Variants in ZFP28 observed in about 807,000 individuals in gnomAD.
ZFP28 encodes the protein zinc finger protein 28 homolog.
A neutral mutation model predicts 39.5 loss-of-function variants in ZFP28; 31 were observed. That is an observed-to-expected ratio of 0.79 (90% CI 0.59 to 1.06). ZFP28 has a LOEUF of 1.06. Among genes scored for constraint, ZFP28 ranks in the 50% least tolerant of loss-of-function variants. The pLI, the probability that ZFP28 is intolerant of heterozygous loss-of-function variation, is 0.00. For missense variants in ZFP28, 925 were observed against 1,048.4 expected (o/e 0.88, Z 1.63); for synonymous variants, 400 against 378.6 (o/e 1.06, Z -0.66).
At position 56,549,126 on chromosome 19, in the gene ZFP28, G is replaced by C; in HGVS notation, c.687+5G>C. On this transcript the variant is annotated splice_donor_5th_base_variant and intron_variant, in intron 5 of 7. Coordinates refer to ENST00000301318, the MANE Select transcript of ZFP28 (RefSeq NM_020828.2). ...GCTCTGTTTGAGACACAGCCGGTAA[G>C]TCACAAGACAAATTTCAGGCAAGAG... 6.3e-7 allele frequency: 1 copy of C among 1,594,788 alleles called. No individual in the cohort carries two copies. The highest frequency in any genetic ancestry group is 8.5e-7 in the Non-Finnish European group (1 of 1,169,834).
intron 7 of ZFP28, chr19:56,552,080 TTTAG>T: frequency 1.4e-6 from 1 of 689,940 alleles, no homozygotes; most frequent in Non-Finnish European, 1.8e-6. Flanking sequence ...TTAATGACTA[TTTAG>T]TATTATATGA....
At chr19:56,543,352 A>G (rs1324789882) in intron 2 of ZFP28, among the ~76,000 whole-genome samples, 1 of 145,658 alleles carries the variant, frequency 6.9e-6, no homozygotes, top group African/African-American at 2.5e-5. Context: ...ATATATGTAT[A>G]TTTTATATAT....
chr19:56,553,833 G>A lies in ZFP28; in HGVS notation c.1048G>A (p.Ala350Thr), dbSNP rs376583851. 5.8e-5 allele frequency: 93 copies of A among 1,614,006 alleles called. No homozygotes were observed. The highest frequency in any genetic ancestry group is 7.5e-5 in the Non-Finnish European group (89 of 1,180,032). ...TGACTATGTGTTTGGAAGGAAGCTT[G>A]CAGTAGGTCAAGAGACACAATTCAG... ...DSDYVFGRKL[A>T]VGQETQFRQE... The change falls in exon 8 of 8, where the codon GCA becomes ACA. Residue 350 changes from alanine to threonine, a missense_variant. Physicochemically the swap from Ala to Thr is moderately conservative, Grantham distance 58. Around this residue, in one of 2 missense-constraint regions of ZFP28, gnomAD observed 556 missense variants for 542.9 expected, o/e 1.02. Transcript: ENST00000301318.
At chr19:56,539,508 G>A in intron 1 of ZFP28, 117 bp from the exon 2 acceptor site, 1 of 880,450 alleles carries the variant, frequency 1.1e-6, no homozygotes, top group Non-Finnish European at 1.8e-6. Flanking sequence ...CGTTGTGGCA[G>A]TCCCTAGGCA....
intron 2 of ZFP28, among the ~76,000 whole-genome samples, chr19:56,542,422 C>T (rs756664214): frequency 2.0e-5 from 3 of 152,202 alleles, no homozygotes; most frequent in South Asian, 2.1e-4. Flanking sequence ...CAAATTGCTG[C>T]GATTAGAGGT....
intron 7 of ZFP28, chr19:56,552,816 T>C (rs566097219): frequency 3.7e-4 from 56 of 152,396 alleles, no homozygotes; most frequent in African/African-American, 1.1e-3. Context: ...CTCTCCTTTA[T>C]CACCTTCCTT....
At position 56,547,453 on chromosome 19, in the gene ZFP28, AGTCAT is replaced by A; in HGVS notation, c.301-52_301-48del. On this transcript the variant is annotated intron_variant, in intron 2 of 7. Coordinates refer to ENST00000301318, the MANE Select transcript of ZFP28 (RefSeq NM_020828.2). The surrounding 1 kb of genome is among the most constrained non-coding windows in gnomAD (Gnocchi z 4.6). ...ACATTTCTTTCTATAACAAACCCCC[AGTCAT>A]GTGGGGGCATGAGCACTGGTTGAGC... The A allele has an allele frequency of 6.2e-7, 1 of 1,613,166 alleles. No homozygotes were observed.
chr19:56,544,962 A>G (rs2044227422), intron 2 of ZFP28, among the ~76,000 whole-genome samples: 1 of 152,234 alleles, frequency 6.6e-6, no homozygotes, highest in Non-Finnish European at 1.5e-5. Flanking sequence ...AAAGCAGATC[A>G]CTAATGCATA....
At chr19:56,543,879 A>C (rs992900165) in intron 2 of ZFP28, among the ~76,000 whole-genome samples, 3 of 152,208 alleles carry the variant, frequency 2.0e-5, no homozygotes, top group Non-Finnish European at 4.4e-5. Context: ...TATTACTGCT[A>C]TTATCAAAGT....
intron 7 of ZFP28, chr19:56,551,143 T>C: frequency 1.6e-5 from 16 of 1,008,724 alleles, no homozygotes; most frequent in Non-Finnish European, 1.9e-5. Flanking sequence ...AATAGGGCAT[T>C]ATAGAGACAA....
chr19:56,549,173 CTCT>C, intron 5 of ZFP28, 52 bp downstream of exon 5: 1 of 1,559,644 alleles, frequency 6.4e-7, no homozygotes, highest in East Asian at 2.3e-5. Flanking sequence ...CATGAGGAAA[CTCT>C]TCTTGAGGGA....
chr19:56,555,373 C>T lies in ZFP28; in HGVS notation c.2588C>T (p.Ser863Phe), dbSNP rs1267231021. ...DLFPKFLWNP[S>F]SLPSP ...TTTCCCAAATTTCTCTGGAATCCAT[C>T]CTCCCTCCCATCACCATAGCCTCGA... Residue 863 changes from serine (S) to phenylalanine (F), a missense_variant, in exon 8 of 8, where the codon TCC becomes TTC. Physicochemically the swap from Ser to Phe is radical, Grantham distance 155. Transcript: ENST00000301318. 12 of 1,611,566 alleles carry T rather than the reference C, an allele frequency of 7.4e-6. No individual in the cohort carries two copies. Among genetic ancestry groups the T allele is most frequent in the Non-Finnish European group, 1.0e-5 (12 of 1,178,668 alleles).
Position 56,538,968 on chromosome 19 carries a change from T to G in ZFP28, c.-51T>G, listed in dbSNP as rs1040452903. The G allele has an allele frequency of 7.7e-7, 1 of 1,300,208 alleles. No individual in the cohort carries two copies. The highest frequency in any genetic ancestry group is 9.8e-7 in the Non-Finnish European group (1 of 1,023,744). 80.5% of individuals were successfully genotyped at this position (1,300,208 alleles called of 1,614,324 possible). On this transcript the variant is annotated 5_prime_UTR_variant, in exon 1 of 8. Transcript: ENST00000301318. ...CGTGGCGGGCGGGTGTGGCCAGGGG[T>G]GTGGGTCTGTGAGGGACCGGTCGGA... is the stretch of plus-strand genomic sequence containing the variant.
chr19:56,550,456 A>G, intron 6 of ZFP28, 54 bp from the exon 7 acceptor site: 1 of 1,493,514 alleles, frequency 6.7e-7, no homozygotes, highest in Non-Finnish European at 9.2e-7. Flanking sequence ...AGTGGTTCTC[A>G]ATTTTAGGAT....
intron 4 of ZFP28, chr19:56,548,317 C>T (rs1219708647): frequency 1.3e-5 from 2 of 157,216 alleles, no homozygotes; most frequent in Non-Finnish European, 2.8e-5. Context: ...AATTTAACAT[C>T]ATATGAAATC....
Position 56,547,765 on chromosome 19 carries a change from G to T in ZFP28, c.428-42G>T. On this transcript the variant is annotated intron_variant, in intron 3 of 7. Transcript: ENST00000301318. This position sits in a 1 kb window ranked among gnomAD's most constrained non-coding sequence, Gnocchi z 4.6. The stretch of plus-strand genomic sequence containing the variant: ...GCCAAGGGGACTGCATCTCAGTCTG[G>T]ACAGCCACACAGTATGACCAGGTTG... 1 of 1,610,742 alleles carries T rather than the reference G, an allele frequency of 6.2e-7. No individual in the cohort carries two copies. The highest frequency in any genetic ancestry group is 8.5e-7 in the Non-Finnish European group (1 of 1,177,488).
chr19:56,538,461 C>G (rs2044154969), upstream of ZFP28: 1 of 152,866 alleles, frequency 6.5e-6, no homozygotes, highest in Admixed American at 6.5e-5. Flanking sequence ...TCCCAGAAGC[C>G]TTTGGGGGGT....
rs755504131 is a variant in ZFP28, at chr19:56,547,206, C to T, written c.301-302C>T. 3.8e-5 allele frequency: 11 copies of T among 288,048 alleles called. No homozygotes were observed. The highest frequency in any genetic ancestry group is 1.3e-4 in the South Asian group (2 of 15,474). The allele number at this position is 288,048 out of a possible 1,614,324, so 17.8% of individuals were successfully genotyped here. ...GAGGCCTCTCTCCTTGGCTTGCAGA[C>T]GGCCGTCTTCTCTCTGTGTCCTCAC... is the stretch of plus-strand genomic sequence containing the variant. On this transcript the variant is annotated intron_variant, in intron 2 of 7. Transcript: ENST00000301318. The surrounding 1 kb of genome is among the most constrained non-coding windows in gnomAD (Gnocchi z 4.6).
Position 56,539,170 on chromosome 19 carries a change from A to C in ZFP28, c.152A>C (p.Asn51Thr), listed in dbSNP as rs1199671890. 1.9e-6 allele frequency: 3 copies of C among 1,602,340 alleles called. No homozygotes were observed. The highest frequency in any genetic ancestry group is 1.7e-6 in the Non-Finnish European group (2 of 1,177,636). The change falls in exon 1 of 8, where the codon AAT becomes ACT. Residue 51 changes from asparagine (N) to threonine (T), a missense_variant. Around this residue, in one of 2 missense-constraint regions of ZFP28, gnomAD observed 556 missense variants for 542.9 expected, o/e 1.02. Coordinates refer to ENST00000301318, the MANE Select transcript of ZFP28 (RefSeq NM_020828.2). ...LPARGRPRSR[N>T]GLASKGQRGA... ...GCCCGGGGAAGGCCGCGCTCAAGGA[A>C]TGGCCTCGCATCCAAAGGCCAGCGA...
Sources: allele counts gnomAD v4.1 joint callset (sites outside exome capture counted in the v4.1 genomes callset), GRCh38; gene constraint gnomAD v4.1.1; regional missense constraint gnomAD v4.1.1; non-coding constraint Gnocchi (gnomAD v3.1); transcripts MANE v1.5; gene names NCBI Gene and HGNC (gene_info 2026-07-23, HGNC 2026-07-21).